CRB1: variants seen among roughly 807,000 people sequenced by gnomAD.
The protein encoded by CRB1 is protein crumbs homolog 1.
Under a neutral mutation model 120.0 loss-of-function variants are expected in CRB1, and 83 were observed. The observed-to-expected ratio is 0.69, with a 90% CI of 0.58 to 0.83. CRB1 has a LOEUF of 0.83. Ranked by LOEUF, CRB1 falls within the 40% of genes least tolerant of loss-of-function variation. CRB1 has a pLI of 0.00. For synonymous variants in CRB1, 625 were observed against 612.5 expected, an observed-to-expected ratio of 1.02 and a Z score of -0.30; for missense variants, 1,699 against 1,687.6, an observed-to-expected ratio of 1.01 and a Z score of -0.12.
chr1:197,347,215 A>T lies in CRB1; in HGVS notation c.849-125A>T, dbSNP rs1659825110. ...TTCAGTCCTGTATAGATAATTCCCC[A>T]GAGTTTTTGAGGTAGTAAGATGATG... On this transcript the variant is annotated intron_variant, in intron 3 of 11. Coordinates refer to ENST00000367400, the MANE Select transcript of CRB1 (RefSeq NM_201253.3). The T allele has an allele frequency of 2.5e-5, 21 of 839,962 alleles. No homozygotes were observed. In the South Asian group the frequency reaches 2.9e-4, roughly 11 times the overall value. 52.0% of individuals were successfully genotyped at this position (839,962 alleles called of 1,614,324 possible). A position where few individuals can be genotyped will look rare whatever the true frequency, so the allele number is the denominator to read the frequency against.
At chr1:197,383,474 C>T (rs1386417795) in intron 5 of CRB1, among the ~76,000 whole-genome samples, 1 of 152,138 alleles carries the variant, frequency 6.6e-6, no homozygotes, top group Non-Finnish European at 1.5e-5. Context: ...GCTACATACA[C>T]GATTTCTCCA....
chr1:197,318,186 G>C (rs1025688239), intron 1 of CRB1, among the ~76,000 whole-genome samples: 1 of 152,094 alleles, frequency 6.6e-6, no homozygotes, highest in Non-Finnish European at 1.5e-5. Flanking sequence ...CGAAAGACTT[G>C]AGTAGATATT....
At chr1:197,357,168 G>C (rs557239453) in intron 5 of CRB1, 155 bp downstream of exon 5, 1 of 748,944 alleles carries the variant, frequency 1.3e-6, no homozygotes, top group East Asian at 2.7e-5. Context: ...AAAGTATCTT[G>C]TTTCACATTT....
chr1:197,265,376 C>T (rs1654609531), upstream of CRB1, among the ~76,000 whole-genome samples: 1 of 149,712 alleles, frequency 6.7e-6, no homozygotes, highest in African/African-American at 2.5e-5. Context: ...CTTTTGTCCT[C>T]CCTTCCTTCA....
chr1:197,231,682 T>C, the CRB1 span, among the ~76,000 whole-genome samples: 2 of 152,182 alleles, frequency 1.3e-5, no homozygotes, highest in Non-Finnish European at 2.9e-5. Flanking sequence ...GTGGGCATGC[T>C]AAAGTGGATA....
At chr1:197,273,239 GT>G (rs1164685691) in intron 1 of CRB1, among the ~76,000 whole-genome samples, 6 of 151,998 alleles carry the variant, frequency 3.9e-5, no homozygotes, top group Admixed American at 6.6e-5. Flanking sequence ...TTAGTTTTGT[GT>G]TTTCCTCATG....
intron 5 of CRB1, among the ~76,000 whole-genome samples, chr1:197,384,730 A>G (rs969462750): frequency 6.6e-6 from 1 of 152,082 alleles, no homozygotes; most frequent in Non-Finnish European, 1.5e-5. Context: ...ATTATTCCCC[A>G]AAGCATTTCC....
At position 197,328,991 on chromosome 1, in the gene CRB1, C is replaced by T; in HGVS notation, c.640C>T (p.His214Tyr). Residue 214 changes from histidine to tyrosine, a missense_variant, in exon 2 of 12, where the codon CAC becomes TAC. Coordinates refer to ENST00000367400, the MANE Select transcript of CRB1 (RefSeq NM_201253.3). ...EIGRYTCICP[H>Y]NYSGVNCELE... Reference sequence around the variant, plus strand: ...AGGAAGATATACTTGTATCTGTCCCCACAATTATTCTGGTAAGTGTGATCA... The same window carrying T: ...AGGAAGATATACTTGTATCTGTCCCTACAATTATTCTGGTAAGTGTGATCA... The T allele has an allele frequency of 6.2e-7, 1 of 1,612,016 alleles. No homozygotes were observed. The highest frequency in any genetic ancestry group is 2.2e-5 in the East Asian group (1 of 44,880).
intron 1 of CRB1, among the ~76,000 whole-genome samples, chr1:197,313,377 A>G (rs958894752): frequency 1.3e-5 from 2 of 152,234 alleles, no homozygotes; most frequent in African/African-American, 4.8e-5. Context: ...TGATACATGT[A>G]TACAATCTGT....
intron 7 of CRB1, chr1:197,429,190 A>G (rs1039072467): frequency 1.3e-6 from 2 of 1,515,264 alleles, no homozygotes; most frequent in African/African-American, 1.4e-5. Context: ...ACACTGCTAT[A>G]CTTGAAAAAC....
intron 5 of CRB1, among the ~76,000 whole-genome samples, chr1:197,385,505 T>G (rs986176870): frequency 1.3e-5 from 2 of 152,152 alleles, no homozygotes; most frequent in Non-Finnish European, 2.9e-5. Flanking sequence ...CTCCTCATAC[T>G]TCTCCTCCTG....
chr1:197,289,695 T>A (rs927935065), intron 1 of CRB1, among the ~76,000 whole-genome samples: 9 of 151,782 alleles, frequency 5.9e-5, no homozygotes, highest in Non-Finnish European at 1.3e-4. Flanking sequence ...ACTAACATAT[T>A]TTCCTTTCAT....
the CRB1 span, among the ~76,000 whole-genome samples, chr1:197,208,113 T>A: frequency 6.6e-6 from 1 of 152,134 alleles, no homozygotes; most frequent in Non-Finnish European, 1.5e-5. Flanking sequence ...TGAAGATTGT[T>A]CCCTTCATAT....
At chr1:197,436,014 T>C (rs1024800454) in intron 9 of CRB1, among the ~76,000 whole-genome samples, 1 of 152,090 alleles carries the variant, frequency 6.6e-6, no homozygotes, top group Admixed American at 6.6e-5. Context: ...TTCAGGCAGG[T>C]AAATACTCTA....
intron 5 of CRB1, among the ~76,000 whole-genome samples, chr1:197,387,144 C>G (rs1010132621): frequency 6.6e-6 from 1 of 151,978 alleles, no homozygotes; most frequent in Non-Finnish European, 1.5e-5. Context: ...TCTCTGTTGC[C>G]CAGGCTGGAG....
At chr1:197,405,822 G>T (rs550627172) in intron 5 of CRB1, among the ~76,000 whole-genome samples, 64 of 152,088 alleles carry the variant, frequency 4.2e-4, no homozygotes, top group African/African-American at 1.5e-3. Context: ...TCTGAGAAGT[G>T]AGGAGCCCCT....
chr1:197,387,870 T>C (rs1662298275), intron 5 of CRB1, among the ~76,000 whole-genome samples: 1 of 151,820 alleles, frequency 6.6e-6, no homozygotes, highest in Admixed American at 6.6e-5. Flanking sequence ...GAAAATAATA[T>C]ATGTAATATA....
the CRB1 span, among the ~76,000 whole-genome samples, chr1:197,229,217 G>A: frequency 6.6e-6 from 1 of 152,178 alleles, no homozygotes; most frequent in African/African-American, 2.4e-5. Flanking sequence ...TGTCGTAGTA[G>A]CTCAAACTGA....
the CRB1 span, among the ~76,000 whole-genome samples, chr1:197,217,690 A>G: frequency 6.6e-6 from 1 of 152,256 alleles, no homozygotes; most frequent in South Asian, 2.1e-4. Context: ...AATTATTGCT[A>G]TTGGGTATGG....
Sources: gnomAD v4.1 joint callset for allele counts (sites outside exome capture counted in the v4.1 genomes callset) on GRCh38, gnomAD v4.1.1 for gene constraint, MANE v1.5 for transcripts, NCBI Gene and HGNC (gene_info 2026-07-23, HGNC 2026-07-21) for gene names.